Variants in GNAO1 observed in about 807,000 individuals in gnomAD.
GNAO1 encodes G protein subunit alpha o1, also known as guanine nucleotide-binding protein G(o) subunit alpha.
For missense variants in GNAO1, 166 were observed against 478.7 expected (o/e 0.35, Z 6.10); for synonymous variants, 164 against 180.7 (o/e 0.91, Z 0.74).
chr16:56,241,676 A>G (rs143266363), intron 2 of GNAO1, among the ~76,000 whole-genome samples: 7 of 152,388 alleles, frequency 4.6e-5, no homozygotes, highest in African/African-American at 7.2e-5. Flanking sequence ...GCATAATGGT[A>G]TAGGCTATGG....
intron 2 of GNAO1, chr16:56,193,240 G>A (rs2036198062): frequency 6.5e-6 from 1 of 153,700 alleles, no homozygotes; most frequent in Non-Finnish European, 1.4e-5. Context: ...TAGGGGAGGG[G>A]TCGTGTGCTA....
At chr16:56,242,265 TGAACA>T (rs1339467703) in intron 2 of GNAO1, among the ~76,000 whole-genome samples, 1 of 152,204 alleles carries the variant, frequency 6.6e-6, no homozygotes, top group African/African-American at 2.4e-5. Flanking sequence ...ATTTATAGAT[TGAACA>T]TAATCCCTAT....
At chr16:56,337,765 C>A (rs2037757179) in intron 6 of GNAO1, among the ~76,000 whole-genome samples, 2 of 152,208 alleles carry the variant, frequency 1.3e-5, no homozygotes, top group African/African-American at 4.8e-5. Context: ...CTGGTGATTG[C>A]CCTGAGCCTG....
intron 3 of GNAO1, among the ~76,000 whole-genome samples, chr16:56,286,846 A>G (rs537562140): frequency 1.4e-4 from 21 of 152,260 alleles, no homozygotes; most frequent in Admixed American, 3.3e-4. Context: ...CCCCCAGAGG[A>G]AAACCAGAAG....
intron 2 of GNAO1, among the ~76,000 whole-genome samples, chr16:56,227,986 G>A (rs1425316004): frequency 2.0e-5 from 3 of 152,100 alleles, no homozygotes; most frequent in African/African-American, 4.8e-5. Context: ...TGTCTGCCTG[G>A]CTCCCTTGGA....
intron 3 of GNAO1, among the ~76,000 whole-genome samples, chr16:56,286,725 GTGTGTGTA>G (rs1423253119): frequency 3.4e-4 from 48 of 141,504 alleles, no homozygotes; most frequent in Admixed American, 1.1e-3. Flanking sequence ...GTGTGTGTGT[GTGTGTGTA>G]TGTGTGTATC....
At chr16:56,256,275 G>A (rs2036845394) in intron 2 of GNAO1, among the ~76,000 whole-genome samples, 1 of 152,160 alleles carries the variant, frequency 6.6e-6, no homozygotes, top group African/African-American at 2.4e-5. Context: ...ACAGGGCAGG[G>A]GGTTGCAGCC....
intron 6 of GNAO1, among the ~76,000 whole-genome samples, chr16:56,343,239 A>G (rs1213823657): frequency 2.0e-5 from 3 of 152,112 alleles, no homozygotes; most frequent in Non-Finnish European, 4.4e-5. Context: ...CTATAATCCC[A>G]GCACTTTGGG....
At chr16:56,344,352 G>A in intron 6 of GNAO1, 1 of 1,050,400 alleles carries the variant, frequency 9.5e-7, no homozygotes, top group Non-Finnish European at 1.2e-6. Flanking sequence ...GCAGGGTGCT[G>A]GCAGGGTGGG....
chr16:56,288,107 CT>C (rs1231513963), intron 3 of GNAO1, among the ~76,000 whole-genome samples: 2 of 152,058 alleles, frequency 1.3e-5, no homozygotes, highest in African/African-American at 2.4e-5. Context: ...CTTTCTCCCC[CT>C]GGATGCCCTC....
At chr16:56,250,151 A>G (rs1346916546) in intron 2 of GNAO1, among the ~76,000 whole-genome samples, 2 of 152,208 alleles carry the variant, frequency 1.3e-5, no homozygotes, top group East Asian at 1.9e-4. Flanking sequence ...GCACAGAAGC[A>G]TGAAGATACA....
intron 6 of GNAO1, among the ~76,000 whole-genome samples, chr16:56,338,785 C>T (rs2037768793): frequency 6.6e-6 from 1 of 152,172 alleles, no homozygotes; most frequent in Non-Finnish European, 1.5e-5. Flanking sequence ...AGCTCTGCAG[C>T]CCATGGGTCC....
rs571086089 is a variant in GNAO1 at position 56,313,926 on chromosome 16, G to A, written c.304-14705G>A. Among the ~76,000 whole-genome samples, 195 of 151,826 alleles carry A rather than the reference G, an allele frequency of 1.3e-3. 1 individual carries two copies. The highest frequency in any genetic ancestry group is 2.4e-3 in the Admixed American group (36 of 15,268). On this transcript the variant is annotated intron_variant, in intron 3 of 8. Transcript: ENST00000262493. Reference sequence around the variant, plus strand: ...AATTTTTTTTAATTTTTATAGAGACGGGGTCTCACTGTGTTGCCTGTGCTG... The same window carrying A: ...AATTTTTTTTAATTTTTATAGAGACAGGGTCTCACTGTGTTGCCTGTGCTG...
chr16:56,315,093 C>A (rs2037495173), intron 3 of GNAO1, among the ~76,000 whole-genome samples: 1 of 152,178 alleles, frequency 6.6e-6, no homozygotes, highest in Non-Finnish European at 1.5e-5. Flanking sequence ...GATGAACCAG[C>A]CTGGGGATAG....
At chr16:56,345,599 C>A in intron 6 of GNAO1, 1 of 985,520 alleles carries the variant, frequency 1.0e-6, no homozygotes, top group South Asian at 4.7e-5. Context: ...GCAGGAGCCA[C>A]CCCATCAGCC....
chr16:56,299,702 T>C (rs554776881), intron 3 of GNAO1, among the ~76,000 whole-genome samples: 1 of 152,302 alleles, frequency 6.6e-6, no homozygotes, highest in East Asian at 1.9e-4. Context: ...GAACTGAGCT[T>C]TTAGAACATT....
intron 2 of GNAO1, among the ~76,000 whole-genome samples, chr16:56,247,491 T>G (rs552178577): frequency 9.9e-5 from 15 of 151,264 alleles, no homozygotes; most frequent in African/African-American, 2.7e-4. Flanking sequence ...GGTTTTTTTT[T>G]TTTTTTTTTT....
At chr16:56,257,351 G>A (rs1444604508) in intron 2 of GNAO1, among the ~76,000 whole-genome samples, 1 of 152,184 alleles carries the variant, frequency 6.6e-6, no homozygotes, top group Admixed American at 6.5e-5. Flanking sequence ...TTTCCTACTT[G>A]TTGGCTGAAT....
chr16:56,346,108 C>T (rs949202123), intron 6 of GNAO1: 6 of 985,432 alleles, frequency 6.1e-6, no homozygotes, highest in Admixed American at 6.1e-5. Context: ...CTCCATCCTC[C>T]TTGGTTTCTT....
Sources: gnomAD v4.1 joint callset for allele counts (sites outside exome capture counted in the v4.1 genomes callset) on GRCh38, gnomAD v4.1.1 for gene constraint, MANE v1.5 for transcripts, NCBI Gene and HGNC (gene_info 2026-07-23, HGNC 2026-07-21) for gene names.